Variants in PLCG2 observed in about 807,000 individuals in gnomAD.
The protein encoded by PLCG2 is 1-phosphatidylinositol 4,5-bisphosphate phosphodiesterase gamma-2.
In PLCG2, 69 loss-of-function variants were observed where a neutral mutation model predicts 175.6. That is an observed-to-expected ratio of 0.39 (90% confidence interval 0.32 to 0.48). The LOEUF (loss-of-function observed/expected upper bound fraction) is 0.48, where lower values mean the gene tolerates loss of function less well. Ranked by LOEUF, PLCG2 falls within the 20% of genes least tolerant of loss-of-function variation. The pLI, the probability that PLCG2 is intolerant of heterozygous loss-of-function variation, is 0.91. For missense variants in PLCG2, 1,798 were observed against 1,650.9 expected, an observed-to-expected ratio of 1.09 and a Z score of -1.54; for synonymous variants, 827 against 624.0, an observed-to-expected ratio of 1.33 and a Z score of -4.85.
chr16:81,890,503 A>G lies in PLCG2; in HGVS notation c.868-969A>G, dbSNP rs573082368. Among the ~76,000 whole-genome samples, 211 of 152,264 alleles carry G rather than the reference A, an allele frequency of 1.4e-3. 1 individual carries two copies. The highest frequency in any genetic ancestry group is 4.9e-3 in the African/African-American group (204 of 41,550). On this transcript the variant is annotated intron_variant, in intron 10 of 32. Transcript: ENST00000564138. ...TCATAGCCCTTTCTTACTCTTCTCT[A>G]CTGACCGTGTTGCCTGGGTGGGATT...
At chr16:81,750,364 G>A (rs1190968158) in intron 1 of PLCG2, among the ~76,000 whole-genome samples, 1 of 146,638 alleles carries the variant, frequency 6.8e-6, no homozygotes, top group Non-Finnish European at 1.5e-5. Context: ...AGATTGCAGT[G>A]AGCTGAGATC....
intron 12 of PLCG2, among the ~76,000 whole-genome samples, chr16:81,894,011 G>A (rs1908765339): frequency 1.5e-5 from 2 of 137,880 alleles, no homozygotes; most frequent in Non-Finnish European, 3.0e-5. Flanking sequence ...TATCTCCTCA[G>A]CTTCCTCCTG....
In PLCG2 at chr16:81,753,869, G is replaced by T. The variant is rs77861148; in HGVS notation, c.-144-2001G>T. Among the ~76,000 whole-genome samples the T allele has an allele frequency of 8.4e-3, 1,272 of 152,286 alleles. 17 individuals are homozygous for T. Among genetic ancestry groups the T allele is most frequent in the African/African-American group, 0.029 (1,187 of 41,562 alleles). On this transcript the variant is annotated intron_variant, in intron 1 of 5. Coordinates refer to the PLCG2 transcript ENST00000565054. ...GCTGGAGGGCTGGGAGAGGGCCTGG[G>T]GAGTGGGAAGTGGCTGCGGAGGTGA...
At chr16:81,762,343 C>T (rs533203134) in intron 2 of PLCG2, among the ~76,000 whole-genome samples, 2 of 151,956 alleles carry the variant, frequency 1.3e-5, no homozygotes, top group African/African-American at 2.4e-5. Flanking sequence ...TCAAGGTAGG[C>T]GGATCACCTG....
intron 2 of PLCG2, among the ~76,000 whole-genome samples, chr16:81,829,532 A>G (rs910915572): frequency 7.2e-5 from 11 of 152,188 alleles, no homozygotes; most frequent in Non-Finnish European, 1.2e-4. Context: ...TCTCTGTTTT[A>G]TATTGCCATG....
intron 27 of PLCG2, among the ~76,000 whole-genome samples, chr16:81,936,695 C>A (rs908556219): frequency 1.3e-5 from 2 of 152,228 alleles, no homozygotes; most frequent in African/African-American, 4.8e-5. Context: ...TTCTCCAGGC[C>A]TGTTGCTGTG....
intron 5 of PLCG2, among the ~76,000 whole-genome samples, chr16:81,862,670 G>C (rs1567504197): frequency 6.6e-6 from 1 of 152,138 alleles, no homozygotes; most frequent in African/African-American, 2.4e-5. Context: ...AGGAGTTGGA[G>C]ACCAGCTTGG....
chr16:81,744,288 C>T (rs953798236), intron 1 of PLCG2, among the ~76,000 whole-genome samples: 1 of 151,964 alleles, frequency 6.6e-6, no homozygotes, highest in Admixed American at 6.6e-5. Flanking sequence ...CCTCAGCCTC[C>T]CAAGTAGCTG....
At chr16:81,852,590 A>T (rs549500014) in intron 2 of PLCG2, among the ~76,000 whole-genome samples, 1 of 152,258 alleles carries the variant, frequency 6.6e-6, no homozygotes, top group East Asian at 1.9e-4. Context: ...CTTGCCTGGT[A>T]GGTTTTGACC....
At chr16:81,949,915 C>T (rs192586840) in intron 31 of PLCG2, among the ~76,000 whole-genome samples, 2 of 152,054 alleles carry the variant, frequency 1.3e-5, no homozygotes, top group Non-Finnish European at 2.9e-5. Flanking sequence ...AACTATACTG[C>T]AGAGGGAGAT....
intron 7 of PLCG2, among the ~76,000 whole-genome samples, chr16:81,873,906 G>A (rs774911370): frequency 6.6e-6 from 1 of 152,164 alleles, no homozygotes; most frequent in African/African-American, 2.4e-5. Flanking sequence ...CTTTAATTAT[G>A]GCTCTTATTA....
chr16:81,901,348 G>A (rs1027549745), intron 14 of PLCG2, among the ~76,000 whole-genome samples: 47 of 152,292 alleles, frequency 3.1e-4, no homozygotes, highest in African/African-American at 1.1e-3. Flanking sequence ...TTGGATTTTT[G>A]AATTATTAGG....
chr16:81,955,198 T>C (rs1187138779), intron 31 of PLCG2, among the ~76,000 whole-genome samples: 1 of 152,166 alleles, frequency 6.6e-6, no homozygotes, highest in Non-Finnish European at 1.5e-5. Context: ...TTCTCCAAAG[T>C]CACAGTTCCA....
chr16:81,936,029 A>G, intron 26 of PLCG2, 140 bp from the exon 27 acceptor site: 3 of 1,455,388 alleles, frequency 2.1e-6, no homozygotes, highest in Non-Finnish European at 2.7e-6. Flanking sequence ...TTGGGACAAT[A>G]TCATCAGAAC....
chr16:81,942,623 C>G (rs1452345209), intron 30 of PLCG2, among the ~76,000 whole-genome samples: 3 of 152,112 alleles, frequency 2.0e-5, no homozygotes, highest in Admixed American at 6.6e-5. Flanking sequence ...TAAACTCTTT[C>G]TCTTTTAATC....
chr16:81,952,436 G>A (rs1311544619), intron 31 of PLCG2, among the ~76,000 whole-genome samples: 1 of 151,964 alleles, frequency 6.6e-6, no homozygotes, highest in East Asian at 1.9e-4. Flanking sequence ...AGAAATCAGG[G>A]CTCCTTAGAC....
chr16:81,739,940 C>T (rs1031655571), intron 1 of PLCG2, among the ~76,000 whole-genome samples: 6 of 151,968 alleles, frequency 3.9e-5, no homozygotes, highest in African/African-American at 1.4e-4. Flanking sequence ...GAATTTGAAA[C>T]CAGCCTGGCC....
intron 15 of PLCG2, among the ~76,000 whole-genome samples, chr16:81,906,958 A>C (rs542366284): frequency 6.6e-6 from 1 of 151,144 alleles, no homozygotes; most frequent in Non-Finnish European, 1.5e-5. Context: ...GAATTACTTG[A>C]ACCCGGGAGG....
chr16:81,807,637 A>G (rs1326800667), intron 2 of PLCG2, among the ~76,000 whole-genome samples: 4 of 152,224 alleles, frequency 2.6e-5, no homozygotes, highest in Non-Finnish European at 1.5e-5. Flanking sequence ...CATTTTACAG[A>G]TGAGAACATT....
Sources: allele counts gnomAD v4.1 joint callset (sites outside exome capture counted in the v4.1 genomes callset), GRCh38; gene constraint gnomAD v4.1.1; transcripts MANE v1.5; gene names NCBI Gene and HGNC (gene_info 2026-07-23, HGNC 2026-07-21).